SPAG16: variants seen among roughly 807,000 people sequenced by gnomAD.
SPAG16 encodes sperm associated antigen 16.
SPAG16 carries 86 observed loss-of-function variants against 80.4 expected under a neutral mutation model. The observed-to-expected ratio is 1.07, with a 90% confidence interval of 0.90 to 1.28. The LOEUF is 1.28. Ranked by LOEUF, SPAG16 falls within the 50% of genes most tolerant of loss-of-function variation. The pLI is 0.00. For synonymous variants in SPAG16, 294 were observed against 265.9 expected (o/e 1.11, Z -1.03); for missense variants, 870 against 765.3 (o/e 1.14, Z -1.61).
At chr2:214,383,615 G>A (rs1354468060) in intron 15 of SPAG16, among the ~76,000 whole-genome samples, 3 of 151,426 alleles carry the variant, frequency 2.0e-5, no homozygotes, top group South Asian at 2.1e-4. Context: ...TAGACTAGAA[G>A]TTGAAAGAAA....
At chr2:214,062,558 G>A (rs2050325437) in intron 13 of SPAG16, among the ~76,000 whole-genome samples, 1 of 150,610 alleles carries the variant, frequency 6.6e-6, no homozygotes, top group South Asian at 2.1e-4. Context: ...CAGATGGTGA[G>A]AACAAAAACC....
At chr2:213,834,928 A>C (rs1187323770) in intron 10 of SPAG16, among the ~76,000 whole-genome samples, 2 of 152,184 alleles carry the variant, frequency 1.3e-5, no homozygotes, top group Non-Finnish European at 2.9e-5. Flanking sequence ...GGCAGATTAA[A>C]ATATCTTCCC....
At chr2:214,299,053 C>T (rs1349106482) in intron 15 of SPAG16, among the ~76,000 whole-genome samples, 1 of 151,932 alleles carries the variant, frequency 6.6e-6, no homozygotes, top group Non-Finnish European at 1.5e-5. Context: ...TTTAAGACCC[C>T]TTGTAAAGTG....
chr2:213,775,810 A>T (rs905200613), intron 10 of SPAG16, among the ~76,000 whole-genome samples: 6 of 152,172 alleles, frequency 3.9e-5, no homozygotes, highest in Non-Finnish European at 5.9e-5. Context: ...ATTATCCTTT[A>T]CCTTAGATTT....
chr2:213,375,029 A>G lies in SPAG16; in HGVS notation c.852A>G (p.Lys284=), dbSNP rs763087458. ...TTGTAGTTGATCATAGTCGTGAAAA[A>G]GAAAATGCACCAGAAGGTCCTACTC... ...PQIKVDHSRE[K]ENAPEGPTQK... Residue 284 remains lysine (K), a synonymous_variant, in exon 9 of 16, where the codon AAA becomes AAG. Transcript: ENST00000331683. The G allele has an allele frequency of 2.5e-6, 4 of 1,606,470 alleles. No individual in the cohort carries two copies. The highest frequency in any genetic ancestry group is 2.2e-5 in the South Asian group (2 of 89,572).
At chr2:213,809,889 T>G (rs1289446647) in intron 10 of SPAG16, among the ~76,000 whole-genome samples, 1 of 152,142 alleles carries the variant, frequency 6.6e-6, no homozygotes, top group Non-Finnish European at 1.5e-5. Flanking sequence ...TATTTGGAAT[T>G]TTTCTAGTTG....
intron 12 of SPAG16, among the ~76,000 whole-genome samples, chr2:214,009,368 G>A (rs1388334238): frequency 6.6e-6 from 1 of 152,026 alleles, no homozygotes; most frequent in Middle Eastern, 3.2e-3. Flanking sequence ...AGTCATGGAG[G>A]TTACAGAGCT....
Position 213,643,346 on chromosome 2 carries a change from TTTTATATATATATATATATATA to T in SPAG16, c.1070+153258_1070+153279del, listed in dbSNP as rs1446337915. Among the ~76,000 whole-genome samples, 658 of 72,640 alleles carry T rather than the reference TTTTATATATATATATATATATA, an allele frequency of 9.1e-3. 51 individuals carry two copies. The highest frequency in any genetic ancestry group is 0.021 in the African/African-American group (431 of 20,870). 47.7% of individuals were successfully genotyped at this position (72,640 alleles called of 152,430 possible). ...TGCTGCCAGATGTATTGGATCTTAA[TTTTATATATATATATATATATA>T]TATATATATATATATATATATATAT... On this transcript the variant is annotated intron_variant, in intron 10 of 15. Coordinates refer to ENST00000331683, the MANE Select transcript of SPAG16 (RefSeq NM_024532.5).
chr2:213,990,668 G>A (rs1325916563), intron 12 of SPAG16, among the ~76,000 whole-genome samples: 2 of 152,114 alleles, frequency 1.3e-5, no homozygotes, highest in African/African-American at 4.8e-5. Flanking sequence ...TTATCTTCAC[G>A]TTGAGTAGGC....
In SPAG16 at chr2:213,720,184, C is replaced by A. The variant is rs184425473; in HGVS notation, c.1071-142301C>A. ...GGGAACATCACACACCAGGGCCTTT[C>A]GGGGGCTGGGGATCTAGGGGAGCAA... On this transcript the variant is annotated intron_variant, in intron 10 of 15. Coordinates refer to ENST00000331683, the MANE Select transcript of SPAG16 (RefSeq NM_024532.5). 3.9e-5 allele frequency among the ~76,000 whole-genome samples: 6 copies of A among 152,096 alleles called. No individual in the cohort carries two copies. In the East Asian group the frequency reaches 1.2e-3, roughly 29 times the overall value.
At chr2:214,256,537 C>T (rs1690695891) in intron 15 of SPAG16, among the ~76,000 whole-genome samples, 1 of 150,834 alleles carries the variant, frequency 6.6e-6, no homozygotes, top group South Asian at 2.1e-4. Context: ...ATCTATGATC[C>T]ATCTGAAATT....
At chr2:214,050,498 G>T (rs1309069942) in intron 13 of SPAG16, among the ~76,000 whole-genome samples, 2 of 151,598 alleles carry the variant, frequency 1.3e-5, no homozygotes, top group Non-Finnish European at 2.9e-5. Flanking sequence ...CTATATTCTT[G>T]TCCAAGAACT....
At chr2:213,752,116 T>C (rs1156441555) in intron 10 of SPAG16, among the ~76,000 whole-genome samples, 1 of 152,214 alleles carries the variant, frequency 6.6e-6, no homozygotes, top group Non-Finnish European at 1.5e-5. Flanking sequence ...TGGTGGTTAC[T>C]TCATATCTCT....
intron 10 of SPAG16, among the ~76,000 whole-genome samples, chr2:213,504,244 A>G (rs1323539365): frequency 6.6e-6 from 1 of 152,226 alleles, no homozygotes; most frequent in Non-Finnish European, 1.5e-5. Context: ...GCCAGAGGGC[A>G]GTGTGTAGAG....
chr2:214,167,994 CTTT>C (rs202075837), intron 15 of SPAG16, among the ~76,000 whole-genome samples: 1 of 133,054 alleles, frequency 7.5e-6, no homozygotes, highest in Non-Finnish European at 1.6e-5. Flanking sequence ...TTCTTTTTCT[CTTT>C]TTTTTTTTTT....
intron 10 of SPAG16, among the ~76,000 whole-genome samples, chr2:213,832,997 T>C (rs1485255603): frequency 2.6e-5 from 4 of 152,148 alleles, no homozygotes; most frequent in Admixed American, 6.5e-5. Flanking sequence ...ATATGTTTCA[T>C]ATAATACTTT....
chr2:213,437,890 C>A (rs1017590417), intron 9 of SPAG16, among the ~76,000 whole-genome samples: 1 of 152,150 alleles, frequency 6.6e-6, no homozygotes, highest in African/African-American at 2.4e-5. Context: ...AAACTAGGTT[C>A]TTTTGGTTGC....
At chr2:213,844,622 C>T (rs950638689) in intron 10 of SPAG16, among the ~76,000 whole-genome samples, 6 of 151,950 alleles carry the variant, frequency 3.9e-5, no homozygotes, top group Admixed American at 2.6e-4. Flanking sequence ...TTTTGATTTA[C>T]GAGGACTTGG....
chr2:213,620,674 A>G (rs2061750126), intron 10 of SPAG16, among the ~76,000 whole-genome samples: 1 of 152,138 alleles, frequency 6.6e-6, no homozygotes, highest in Non-Finnish European at 1.5e-5. Flanking sequence ...GAGGTTATGG[A>G]TATGCTAATT....
Sources: allele counts gnomAD v4.1 joint callset (sites outside exome capture counted in the v4.1 genomes callset), GRCh38; gene constraint gnomAD v4.1.1; transcripts MANE v1.5; gene names NCBI Gene and HGNC (gene_info 2026-07-23, HGNC 2026-07-21).